The following FHOD3 variants were observed in gnomAD, a reference collection of about 807,000 sequenced individuals.
The protein encoded by FHOD3 is formin homology 2 domain containing 3, also known as FH1/FH2 domain-containing protein 3.
FHOD3 carries 90 observed loss-of-function variants against 173.0 expected under a neutral mutation model. The observed-to-expected ratio is 0.52, with a 90% CI of 0.44 to 0.62. The LOEUF (loss-of-function observed/expected upper bound fraction) is 0.62, where lower values mean the gene tolerates loss of function less well. Ranked by LOEUF, FHOD3 falls within the 20% of genes least tolerant of loss-of-function variation. The probability of loss-of-function intolerance (pLI) is 0.00; values close to 1 mark genes in which losing one functional copy is unlikely to be tolerated. For synonymous variants in FHOD3, 828 were observed against 823.0 expected (o/e 1.01, Z -0.10); for missense variants, 1,945 against 2,034.7 (o/e 0.96, Z 0.85).
chr18:36,724,791 G>A (rs956485901), intron 19 of FHOD3, among the ~76,000 whole-genome samples: 1 of 152,200 alleles, frequency 6.6e-6, no homozygotes, highest in African/African-American at 2.4e-5. Flanking sequence ...TCCGGAGACT[G>A]TCTTTCCTCC....
Position 36,649,390 on chromosome 18 carries a change from G to A in FHOD3, c.1271G>A (p.Cys424Tyr). 6.5e-7 allele frequency: 1 copy of A among 1,535,616 alleles called. No individual in the cohort carries two copies. The highest frequency in any genetic ancestry group is 8.7e-7 in the Non-Finnish European group (1 of 1,146,664). ...SEEEREDDAS[C>Y]QGKDSKVGAA... ...GAAGAGAGAGAGGATGATGCTTCCTGTCAGGGCAAGGACAGGTACCTAGGA... is the reference window on the plus strand; with the variant it reads ...GAAGAGAGAGAGGATGATGCTTCCTATCAGGGCAAGGACAGGTACCTAGGA... The change falls in exon 11 of 29, where the codon TGT becomes TAT. Residue 424 changes from cysteine to tyrosine, a missense_variant. Physicochemically the swap from Cys to Tyr is radical, Grantham distance 194. Transcript: ENST00000590592.
chr18:36,653,567 T>C lies in FHOD3; in HGVS notation c.1721+151T>C, dbSNP rs2848904. ...CTTCATAGGTATTAATTACGTATTTTACTATGAACACTTAAATCTTATAAA... is the reference window on the plus strand; with the variant it reads ...CTTCATAGGTATTAATTACGTATTTCACTATGAACACTTAAATCTTATAAA... On this transcript the variant is annotated intron_variant, in intron 13 of 28. Transcript: ENST00000590592. Among the ~76,000 whole-genome samples the C allele has an allele frequency of 0.56, 85,201 of 152,024 alleles. 24,574 individuals are homozygous for C. The highest frequency in any genetic ancestry group is 0.7 in the African/African-American group (28,917 of 41,464).
intron 14 of FHOD3, among the ~76,000 whole-genome samples, chr18:36,668,491 A>G (rs1052262068): frequency 2.0e-5 from 3 of 151,438 alleles, no homozygotes; most frequent in Non-Finnish European, 3.0e-5. Flanking sequence ...TTTAATTTTT[A>G]TACTGTTTTT....
chr18:36,604,858 A>G (rs913821272), intron 8 of FHOD3, among the ~76,000 whole-genome samples: 61 of 152,204 alleles, frequency 4.0e-4, no homozygotes, highest in African/African-American at 1.4e-3. Context: ...TTACAAAAAG[A>G]AAGGTAGAAA....
In FHOD3 at chr18:36,378,738, G is replaced by A. The variant is rs1219934628; in HGVS notation, c.337+5994G>A. ...CTCTTGTTGCCCATGCTGGAGTGCA[G>A]TGGCGTGATCTCAGCTCACTGCAAC... On this transcript the variant is annotated intron_variant, in intron 3 of 28. Coordinates refer to ENST00000590592, the MANE Select transcript of FHOD3 (RefSeq NM_001281740.3). 3.9e-5 allele frequency among the ~76,000 whole-genome samples: 6 copies of A among 152,108 alleles called. 1 individual carries two copies. The South Asian group carries it at 8.3e-4, about 21-fold the overall frequency.
intron 3 of FHOD3, among the ~76,000 whole-genome samples, chr18:36,441,814 G>T (rs952580986): frequency 1.2e-4 from 18 of 152,248 alleles, no homozygotes; most frequent in African/African-American, 4.3e-4. Context: ...ATGGAATCGT[G>T]GACTCACTGA....
At chr18:36,734,214 C>T (rs541178598) in intron 20 of FHOD3, among the ~76,000 whole-genome samples, 6 of 152,266 alleles carry the variant, frequency 3.9e-5, no homozygotes, top group African/African-American at 9.6e-5. Flanking sequence ...ATAGTCACAA[C>T]GACACAGAGT....
chr18:36,718,822 G>C (rs757533359), intron 19 of FHOD3, 107 bp downstream of exon 19: 14 of 1,498,234 alleles, frequency 9.3e-6, no homozygotes, highest in Non-Finnish European at 1.1e-5. Flanking sequence ...TTGGTAAAAA[G>C]TCCATTGGTA....
At chr18:36,605,892 A>AT (rs1387399608) in intron 8 of FHOD3, among the ~76,000 whole-genome samples, 2 of 152,232 alleles carry the variant, frequency 1.3e-5, no homozygotes, top group Admixed American at 6.5e-5. Flanking sequence ...CCCTAATAAC[A>AT]TGGAATTTTT....
intron 9 of FHOD3, among the ~76,000 whole-genome samples, chr18:36,619,493 A>G (rs1333815620): frequency 6.6e-6 from 1 of 152,222 alleles, no homozygotes; most frequent in Non-Finnish European, 1.5e-5. Context: ...CCCCTTATTT[A>G]GGAATTTGAT....
intron 6 of FHOD3, among the ~76,000 whole-genome samples, chr18:36,581,613 G>A (rs2058853642): frequency 1.3e-5 from 2 of 152,134 alleles, no homozygotes; most frequent in African/African-American, 2.4e-5. Context: ...GGGTGTGCAG[G>A]CCTCCCTACT....
chr18:36,459,510 G>A (rs2052425981), intron 3 of FHOD3, among the ~76,000 whole-genome samples: 1 of 152,096 alleles, frequency 6.6e-6, no homozygotes, highest in Non-Finnish European at 1.5e-5. Flanking sequence ...CCTTCATTAT[G>A]CGGTGTGGTG....
intron 10 of FHOD3, among the ~76,000 whole-genome samples, chr18:36,626,190 A>T (rs1164356981): frequency 1.3e-5 from 2 of 152,194 alleles, no homozygotes; most frequent in South Asian, 2.1e-4. Context: ...GAAAAAACCC[A>T]TATGAGTTTC....
Position 36,330,276 on chromosome 18 carries a change from C to A in FHOD3, c.166-25263C>A, listed in dbSNP as rs370420145. On this transcript the variant is annotated intron_variant, in intron 1 of 28. Coordinates refer to ENST00000590592, the MANE Select transcript of FHOD3 (RefSeq NM_001281740.3). ...AGTGAATAACATGTAAGCTTCTTGA[C>A]ATGTGAAAACAAAGCATCTGAGAGA... Among the ~76,000 whole-genome samples the A allele has an allele frequency of 2.0e-5, 3 of 152,302 alleles. No homozygotes were observed. The East Asian group carries it at 5.8e-4, about 29-fold the overall frequency.
At chr18:36,623,173 A>G (rs1237643344) in intron 9 of FHOD3, among the ~76,000 whole-genome samples, 2 of 152,194 alleles carry the variant, frequency 1.3e-5, no homozygotes, top group African/African-American at 4.8e-5. Flanking sequence ...TTCCTTGACA[A>G]AGGGCAGTTA....
At chr18:36,643,532 T>C (rs1340303481) in intron 10 of FHOD3, among the ~76,000 whole-genome samples, 2 of 152,200 alleles carry the variant, frequency 1.3e-5, no homozygotes, top group Non-Finnish European at 2.9e-5. Context: ...TACAAGATAG[T>C]GTTAATTATT....
intron 26 of FHOD3, among the ~76,000 whole-genome samples, chr18:36,759,562 T>C (rs1600594286): frequency 6.6e-6 from 1 of 152,232 alleles, no homozygotes; most frequent in African/African-American, 2.4e-5. Context: ...AGAGTCTCTG[T>C]CCCCAGCCAG....
In FHOD3 at chr18:36,625,629, G is replaced by A. The variant is rs750825580; in HGVS notation, c.1076G>A (p.Arg359His). Residue 359 changes from arginine (R) to histidine (H), a missense_variant, in exon 10 of 29, where the codon CGC becomes CAC. By Grantham distance (29) the Arg-to-His change is conservative. Coordinates refer to ENST00000590592, the MANE Select transcript of FHOD3 (RefSeq NM_001281740.3). ...SGGGEHRGLD[R>H]RRSRRHSVQS... ...GGAGGCGAGCACCGGGGCCTGGACC[G>A]CAGAAGGAGCCGCAGGCACTCGGTG... The A allele has an allele frequency of 4.4e-5, 71 of 1,605,406 alleles. No homozygotes were observed. Among genetic ancestry groups the A allele is most frequent in the Middle Eastern group, 1.7e-4 (1 of 6,056 alleles).
intron 24 of FHOD3, among the ~76,000 whole-genome samples, chr18:36,751,851 G>T (rs903898706): frequency 1.3e-5 from 2 of 152,204 alleles, no homozygotes; most frequent in Non-Finnish European, 2.9e-5. Context: ...GGCTACAGTT[G>T]CACTGTGAAA....
Sources: allele counts gnomAD v4.1 joint callset (sites outside exome capture counted in the v4.1 genomes callset), GRCh38; gene constraint gnomAD v4.1.1; transcripts MANE v1.5; gene names NCBI Gene and HGNC (gene_info 2026-07-23, HGNC 2026-07-21).